DST: variants seen among roughly 807,000 people sequenced by gnomAD.
DST encodes bullous pemphigoid antigen.
Under a neutral mutation model 875.2 loss-of-function variants are expected in DST, and 253 were observed. That is an observed-to-expected ratio of 0.29 (90% CI 0.26 to 0.32). The LOEUF (loss-of-function observed/expected upper bound fraction) is 0.32. DST is among the 10% of genes least tolerant of loss of function. DST has a pLI of 1.00. For missense variants in DST, 8,287 were observed against 9,111.6 expected (o/e 0.91, Z 3.68); for synonymous variants, 3,124 against 3,197.1 (o/e 0.98, Z 0.77).
intron 4 of DST, among the ~76,000 whole-genome samples, chr6:56,767,473 G>A (rs1016301202): frequency 7.2e-5 from 11 of 151,864 alleles, no homozygotes; most frequent in East Asian, 1.9e-4. Context: ...AAAAATTAGC[G>A]TGGCATGGTG....
chr6:56,563,941 G>A (rs915380526), intron 55 of DST, among the ~76,000 whole-genome samples: 2 of 152,156 alleles, frequency 1.3e-5, no homozygotes, highest in African/African-American at 4.8e-5. Flanking sequence ...CTATATGTCT[G>A]TTTTGGTACC....
chr6:56,602,934 A>G lies in DST; in HGVS notation c.11255T>C (p.Ile3752Thr), dbSNP rs931157112. 9.5e-6 allele frequency: 15 copies of G among 1,582,096 alleles called. No homozygotes were observed. Among genetic ancestry groups the G allele is most frequent in the Non-Finnish European group, 1.7e-6 (2 of 1,170,802 alleles). The change falls in exon 43 of 104, where the codon ATT becomes ACT. Residue 3752 changes from isoleucine (I) to threonine (T), a missense_variant. By Grantham distance (89) the Ile-to-Thr change is moderately conservative. Coordinates refer to ENST00000680361, the MANE Select transcript of DST (RefSeq NM_001374736.1). Reference sequence around the variant, plus strand: ...ATACTCAGAATCTTGAACATTCACAATCTCAATATCCTTCACAGATTTGCT... The same window carrying G: ...ATACTCAGAATCTTGAACATTCACAGTCTCAATATCCTTCACAGATTTGCT... ...EKSKSVKDIE[I>T]VNVQDSEYVK...
intron 4 of DST, among the ~76,000 whole-genome samples, chr6:56,789,156 C>A (rs766315588): frequency 2.0e-5 from 3 of 152,188 alleles, no homozygotes; most frequent in South Asian, 2.1e-4. Context: ...CATAGTGAGA[C>A]CCTGTTTCTA....
intron 95 of DST, 108 bp downstream of exon 95, chr6:56,470,998 A>G (rs1482071435): frequency 1.6e-6 from 2 of 1,231,720 alleles, no homozygotes; most frequent in African/African-American, 1.5e-5. Context: ...TAGGCAACTT[A>G]TAAGACAATG....
chr6:56,766,109 G>A (rs2099632692), intron 4 of DST, among the ~76,000 whole-genome samples: 1 of 152,196 alleles, frequency 6.6e-6, no homozygotes, highest in Admixed American at 6.5e-5. Context: ...ATCTCTCAAA[G>A]ATTGATTAAT....
intron 38 of DST, among the ~76,000 whole-genome samples, chr6:56,610,960 T>C (rs1227773788): frequency 2.0e-5 from 3 of 152,170 alleles, no homozygotes; most frequent in East Asian, 3.8e-4. Flanking sequence ...TATAAGGGGA[T>C]TAACCTAATT....
intron 2 of DST, among the ~76,000 whole-genome samples, chr6:56,952,503 G>T (rs1309162084): frequency 6.6e-6 from 1 of 152,074 alleles, no homozygotes; most frequent in Admixed American, 6.5e-5. Context: ...CCCGGTTTTT[G>T]ATGTTTTCCA....
chr6:56,817,061 T>C (rs1384250197), intron 4 of DST, among the ~76,000 whole-genome samples: 1 of 151,084 alleles, frequency 6.6e-6, no homozygotes, highest in Non-Finnish European at 1.5e-5. Flanking sequence ...AATAGTGAGA[T>C]AAATGGGTGT....
Position 56,701,953 on chromosome 6 carries a change from C to T in DST, c.889G>A (p.Gly297Ser), listed in dbSNP as rs764519580. The T allele has an allele frequency of 1.2e-6, 2 of 1,610,228 alleles. No individual in the cohort carries two copies. Among genetic ancestry groups the T allele is most frequent in the Admixed American group, 3.3e-5 (2 of 59,748 alleles). The change falls in exon 8 of 104, where the codon GGT becomes AGT. Residue 297 changes from glycine (G) to serine (S), a missense_variant. Gly to Ser is a moderately conservative substitution (Grantham distance 56, BLOSUM62 0). This residue lies in a region of DST where 1,160 missense variants were observed against 1,424.3 expected (regional missense o/e 0.81). Transcript: ENST00000680361. ...TGTAGTCTGTGAAAACGCATCCGAC[C>T]TTTTTCTCTGGGCTAAGAACAGAAA... ...EDEDKGPREK[G>S]RMRFHRLQNV...
chr6:56,924,765 C>CCATA (rs1806142902), intron 2 of DST, among the ~76,000 whole-genome samples: 1 of 151,752 alleles, frequency 6.6e-6, no homozygotes, highest in Admixed American at 6.6e-5. Flanking sequence ...CACAAGAAGC[C>CCATA]CATACTTCTT....
At chr6:56,697,169 C>A (rs2099268485) in intron 9 of DST, among the ~76,000 whole-genome samples, 1 of 152,104 alleles carries the variant, frequency 6.6e-6, no homozygotes, top group South Asian at 2.1e-4. Context: ...ATCTCTCAGG[C>A]TAAAAAGTTT....
At chr6:56,829,473 G>T (rs1591333170) in intron 4 of DST, among the ~76,000 whole-genome samples, 1 of 152,108 alleles carries the variant, frequency 6.6e-6, no homozygotes, top group Non-Finnish European at 1.5e-5. Context: ...CACAAGTAAT[G>T]AAATACAAAT....
At chr6:56,782,682 A>T (rs1296877081) in intron 4 of DST, among the ~76,000 whole-genome samples, 2 of 151,918 alleles carry the variant, frequency 1.3e-5, no homozygotes, top group East Asian at 1.9e-4. Context: ...CAGCTCCTGG[A>T]TTCATTAATT....
intron 9 of DST, among the ~76,000 whole-genome samples, chr6:56,685,676 GC>G (rs1374537190): frequency 2.0e-5 from 3 of 152,138 alleles, no homozygotes; most frequent in Non-Finnish European, 4.4e-5. Flanking sequence ...TGAGGCTGAG[GC>G]AGGAGAATCA....
At chr6:56,591,873 T>A (rs1268458063) in intron 49 of DST, among the ~76,000 whole-genome samples, 1 of 150,382 alleles carries the variant, frequency 6.6e-6, no homozygotes, top group Admixed American at 6.8e-5. Flanking sequence ...TCCCAGCTAC[T>A]TGGGAGGCTG....
intron 3 of DST, among the ~76,000 whole-genome samples, chr6:56,888,194 C>T (rs1432735815): frequency 1.3e-5 from 2 of 151,958 alleles, no homozygotes; most frequent in African/African-American, 2.4e-5. Flanking sequence ...GTGATCCGCC[C>T]GCCTCAGCCT....
chr6:56,786,725 GT>G (rs2099706231), intron 4 of DST, among the ~76,000 whole-genome samples: 1 of 152,046 alleles, frequency 6.6e-6, no homozygotes, highest in Non-Finnish European at 1.5e-5. Flanking sequence ...AAGAAACAAG[GT>G]TTCACATGTT....
chr6:56,681,209 T>C (rs1411967697), intron 9 of DST, among the ~76,000 whole-genome samples: 1 of 152,132 alleles, frequency 6.6e-6, no homozygotes, highest in Non-Finnish European at 1.5e-5. Context: ...ATTTACCCAG[T>C]TGCCCCCAAA....
chr6:56,933,532 A>C (rs997440163), intron 2 of DST, among the ~76,000 whole-genome samples: 1 of 152,260 alleles, frequency 6.6e-6, no homozygotes, highest in Admixed American at 6.5e-5. Context: ...CAGTTAGTTC[A>C]GTTCAATAAC....
Sources: gnomAD v4.1 joint callset for allele counts (sites outside exome capture counted in the v4.1 genomes callset) on GRCh38, gnomAD v4.1.1 for gene constraint, gnomAD v4.1.1 regional missense constraint, MANE v1.5 for transcripts, NCBI Gene and HGNC (gene_info 2026-07-23, HGNC 2026-07-21) for gene names.